The following ARID5B variants were observed in gnomAD, a reference collection of about 807,000 sequenced individuals.
ARID5B encodes the protein AT-rich interaction domain 5B.
In ARID5B, 13 loss-of-function variants were observed where a neutral mutation model predicts 97.2. The ratio of observed to expected loss-of-function variants is 0.13; its 90% CI spans 0.09 to 0.21. The LOEUF (loss-of-function observed/expected upper bound fraction) is 0.21, where lower values mean the gene tolerates loss of function less well. Among genes scored for constraint, ARID5B ranks in the 10% least tolerant of loss-of-function variants. The pLI is 1.00. For synonymous variants in ARID5B, 556 were observed against 570.3 expected, an observed-to-expected ratio of 0.97 and a Z score of 0.36; for missense variants, 1,210 against 1,465.3, an observed-to-expected ratio of 0.83 and a Z score of 2.84.
chr10:61,988,573 GA>G (rs1838877891), intron 3 of ARID5B, among the ~76,000 whole-genome samples: 2 of 152,192 alleles, frequency 1.3e-5, no homozygotes, highest in Non-Finnish European at 2.9e-5. Context: ...TCAGAACAAT[GA>G]AATAACAGGC....
chr10:62,024,189 A>T (rs983627190), intron 4 of ARID5B, among the ~76,000 whole-genome samples: 1 of 152,222 alleles, frequency 6.6e-6, no homozygotes, highest in Non-Finnish European at 1.5e-5. Context: ...ATTAAACCTT[A>T]TGGAATTAAA....
At chr10:62,061,416 A>T (rs1839919833) in intron 7 of ARID5B, among the ~76,000 whole-genome samples, 1 of 152,246 alleles carries the variant, frequency 6.6e-6, no homozygotes, top group African/African-American at 2.4e-5. Context: ...TTTGAAAAAC[A>T]TAAAATAGAG....
At chr10:61,937,056 C>A (rs1467346382) in intron 2 of ARID5B, among the ~76,000 whole-genome samples, 1 of 152,102 alleles carries the variant, frequency 6.6e-6, no homozygotes, top group Non-Finnish European at 1.5e-5. Flanking sequence ...TGTCACTGAA[C>A]CTCACTGTCC....
At chr10:61,933,166 A>C (rs1430424705) in intron 2 of ARID5B, among the ~76,000 whole-genome samples, 1 of 152,246 alleles carries the variant, frequency 6.6e-6, no homozygotes, top group Non-Finnish European at 1.5e-5. Flanking sequence ...TTACTCATTC[A>C]TAAGAAGTAG....
At chr10:61,970,752 C>A (rs1020718717) in intron 3 of ARID5B, among the ~76,000 whole-genome samples, 1 of 152,102 alleles carries the variant, frequency 6.6e-6, no homozygotes, top group Non-Finnish European at 1.5e-5. Context: ...TTTACAATGA[C>A]CTTAGTGATA....
intron 5 of ARID5B, among the ~76,000 whole-genome samples, chr10:62,053,108 C>T (rs758004510): frequency 6.6e-6 from 1 of 152,244 alleles, no homozygotes; most frequent in Non-Finnish European, 1.5e-5. Flanking sequence ...TGTGTCTTAA[C>T]ATGGTCTTTT....
At chr10:61,949,788 A>G (rs992939363) in intron 3 of ARID5B, among the ~76,000 whole-genome samples, 3 of 152,256 alleles carry the variant, frequency 2.0e-5, no homozygotes, top group African/African-American at 7.2e-5. Context: ...TCAAAAGATG[A>G]AAGAATAAAT....
intron 2 of ARID5B, among the ~76,000 whole-genome samples, chr10:61,915,468 G>A (rs578103909): frequency 6.6e-6 from 1 of 152,168 alleles, no homozygotes; most frequent in Non-Finnish European, 1.5e-5. Flanking sequence ...AGGGATCTGG[G>A]GGTGAAGATT....
At position 61,914,678 on chromosome 10, in the gene ARID5B, T is replaced by A. The variant is rs1314805239; in HGVS notation, c.276+12265T>A. 2.6e-5 allele frequency among the ~76,000 whole-genome samples: 4 copies of A among 152,170 alleles called. No individual in the cohort carries two copies. In the South Asian group the frequency reaches 6.2e-4, roughly 24 times the overall value. On this transcript the variant is annotated intron_variant, in intron 2 of 9. Coordinates refer to ENST00000279873, the MANE Select transcript of ARID5B (RefSeq NM_032199.3). ...TTTCAATGAAGTCAAAGTCACAACA[T>A]TTTCCATTAATTCAGTGACCACTTA... is the stretch of plus-strand genomic sequence containing the variant.
intron 2 of ARID5B, among the ~76,000 whole-genome samples, chr10:61,919,790 T>C (rs1165524884): frequency 6.6e-6 from 1 of 152,156 alleles, no homozygotes; most frequent in Non-Finnish European, 1.5e-5. Context: ...GGTTGTAAAA[T>C]ATGCATCCCT....
chr10:61,913,313 G>C (rs138592913), intron 2 of ARID5B, among the ~76,000 whole-genome samples: 3 of 152,330 alleles, frequency 2.0e-5, no homozygotes, highest in East Asian at 1.9e-4. Context: ...TGTTGATAAC[G>C]ATGGTCAAGA....
At chr10:61,928,086 T>G (rs187202323) in intron 2 of ARID5B, among the ~76,000 whole-genome samples, 6 of 152,240 alleles carry the variant, frequency 3.9e-5, no homozygotes, top group Non-Finnish European at 5.9e-5. Context: ...TTCAGGCTGG[T>G]GGCATCCCTT....
intron 2 of ARID5B, among the ~76,000 whole-genome samples, chr10:61,935,188 T>A (rs1051463459): frequency 3.3e-5 from 5 of 152,022 alleles, no homozygotes; most frequent in African/African-American, 1.2e-4. Context: ...AGACTTTCAA[T>A]TTGTAAAAAA....
At chr10:61,936,347 G>A (rs1189948305) in intron 2 of ARID5B, among the ~76,000 whole-genome samples, 3 of 152,242 alleles carry the variant, frequency 2.0e-5, no homozygotes, top group African/African-American at 7.2e-5. Context: ...GCCGGGTGCG[G>A]TGGCTCACGC....
At chr10:62,056,752 G>T (rs1301305764) in intron 5 of ARID5B, among the ~76,000 whole-genome samples, 2 of 152,202 alleles carry the variant, frequency 1.3e-5, no homozygotes, top group East Asian at 1.9e-4. Context: ...GGCATAGTTT[G>T]GCAAACTATG....
intron 8 of ARID5B, among the ~76,000 whole-genome samples, chr10:62,073,692 T>C (rs1007638639): frequency 3.9e-5 from 6 of 152,254 alleles, no homozygotes; most frequent in Admixed American, 2.6e-4. Flanking sequence ...ATTGCTCATG[T>C]TACAGATGAT....
At chr10:62,050,841 C>T (rs2132931086) in intron 4 of ARID5B, 47 bp from the exon 5 acceptor site, 1 of 1,506,052 alleles carries the variant, frequency 6.6e-7, no homozygotes, top group Admixed American at 1.7e-5. Context: ...AATAAAGAAA[C>T]CCATGCAAGT....
At chr10:62,013,747 G>T (rs1839247463) in intron 4 of ARID5B, among the ~76,000 whole-genome samples, 1 of 149,392 alleles carries the variant, frequency 6.7e-6, no homozygotes, top group African/African-American at 2.5e-5. Flanking sequence ...TGTTGCAAAT[G>T]GTGGCAGAAT....
In ARID5B at chr10:62,072,597, G is replaced by C. The variant is rs140191983; in HGVS notation, c.1199+2800G>C. 3.3e-3 allele frequency among the ~76,000 whole-genome samples: 505 copies of C among 152,312 alleles called. 3 individuals are homozygous for C. The highest frequency in any genetic ancestry group is 0.011 in the African/African-American group (474 of 41,564). On this transcript the variant is annotated intron_variant, in intron 8 of 9. Transcript: ENST00000279873. ...AATTGGCAGTGTGGAGCCTCCAACT[G>C]TGTTGTTGGAGCATAGCTGTCCCAG...
Sources: allele counts gnomAD v4.1 joint callset (sites outside exome capture counted in the v4.1 genomes callset), GRCh38; gene constraint gnomAD v4.1.1; transcripts MANE v1.5; gene names NCBI Gene and HGNC (gene_info 2026-07-23, HGNC 2026-07-21).